The following PPFIA1 variants were observed in gnomAD, a reference collection of about 807,000 sequenced individuals.
PPFIA1 encodes the protein PPFI scaffold protein A1, also known as liprin-alpha-1.
In PPFIA1, 25 loss-of-function variants were observed where a neutral mutation model predicts 149.9. The observed-to-expected ratio is 0.17, with a 90% CI of 0.12 to 0.23. PPFIA1 has a LOEUF of 0.23. Among genes scored for constraint, PPFIA1 ranks in the 10% least tolerant of loss-of-function variants. PPFIA1 has a pLI of 1.00. For missense variants in PPFIA1, 1,362 were observed against 1,506.5 expected (o/e 0.90, Z 1.59); for synonymous variants, 549 against 552.8 (o/e 0.99, Z 0.10).
At position 70,340,408 on chromosome 11, in the gene PPFIA1, G is replaced by A. The variant is rs371013766; in HGVS notation, c.1707+1102G>A. 2.6e-4 allele frequency among the ~76,000 whole-genome samples: 40 copies of A among 152,312 alleles called. 1 individual carries two copies. In the South Asian group the frequency reaches 7.2e-3, roughly 28 times the overall value. ...GTGAGCTCTATGATTGCACCACTGC[G>A]CTCCAGCTTGGTCAACAGAGTAAGA... On this transcript the variant is annotated intron_variant, in intron 14 of 27. Coordinates refer to ENST00000253925, the MANE Select transcript of PPFIA1 (RefSeq NM_003626.5).
chr11:70,300,486 C>T (rs1466204103), intron 2 of PPFIA1, among the ~76,000 whole-genome samples: 3 of 151,984 alleles, frequency 2.0e-5, no homozygotes, highest in Non-Finnish European at 2.9e-5. Context: ...TCTCCTGCCT[C>T]AGCCTCTCAG....
rs757711997 is a variant in PPFIA1, at chr11:70,324,907, G to T, written c.427G>T (p.Val143Leu). ...SRHERSLRMT[V>L]VKRQAQSPAG... Reference sequence around the variant, plus strand: ...GCATGAGCGGTCTCTTAGGATGACCGTGGTGAAGAGACAAGCGCAGTCTCC... The same window carrying T: ...GCATGAGCGGTCTCTTAGGATGACCTTGGTGAAGAGACAAGCGCAGTCTCC... The change falls in exon 4 of 28, where the codon GTG becomes TTG. Residue 143 changes from valine (V) to leucine (L), a missense_variant. Physicochemically the swap from Val to Leu is conservative, Grantham distance 32. Around this residue, in one of 7 missense-constraint regions of PPFIA1, gnomAD observed 79 missense variants for 146.2 expected, o/e 0.54. Transcript: ENST00000253925. The T allele has an allele frequency of 1.9e-6, 3 of 1,613,586 alleles. No homozygotes were observed. The highest frequency in any genetic ancestry group is 1.7e-5 in the Admixed American group (1 of 59,922).
rs372416850 is a variant in PPFIA1, at chr11:70,272,199, C to T, written c.27C>T (p.Ile9=). The T allele has an allele frequency of 3.1e-6, 5 of 1,613,858 alleles. 1 individual carries two copies. In the Middle Eastern group the frequency reaches 6.9e-4, roughly 222 times the overall value. MMCEVMPT[I]SEAEGPPGGG... is the part of the protein sequence containing the mutation. ...TGATGTGCGAGGTGATGCCGACCAT[C>T]AGCGAAGCAGAAGGCCCCCCTGGAG... Residue 9 remains isoleucine, a synonymous_variant, in exon 2 of 28, where the codon ATC becomes ATT. Transcript: ENST00000253925.
intron 2 of PPFIA1, 112 bp from the exon 3 acceptor site, chr11:70,324,290 T>G: frequency 1.5e-6 from 1 of 680,076 alleles, no homozygotes; most frequent in South Asian, 2.0e-5. Context: ...TGAGATCCCT[T>G]CCCCATAACT....
intron 2 of PPFIA1, among the ~76,000 whole-genome samples, chr11:70,314,608 A>G (rs1422773707): frequency 6.6e-6 from 1 of 152,202 alleles, no homozygotes; most frequent in Non-Finnish European, 1.5e-5. Flanking sequence ...TTTATCTTAT[A>G]TATACTTGAA....
intron 2 of PPFIA1, among the ~76,000 whole-genome samples, chr11:70,297,021 T>C (rs2052097819): frequency 1.3e-5 from 2 of 152,208 alleles, no homozygotes. Context: ...GTCATTCTTC[T>C]GATAGTCATT....
intron 3 of PPFIA1, 104 bp from the exon 4 acceptor site, chr11:70,324,743 G>T: frequency 8.9e-7 from 1 of 1,129,642 alleles, no homozygotes; most frequent in South Asian, 1.6e-5. Context: ...GAATTGAAGG[G>T]ACTTCATTTT....
chr11:70,297,225 A>G (rs2052123483), intron 2 of PPFIA1, among the ~76,000 whole-genome samples: 1 of 152,130 alleles, frequency 6.6e-6, no homozygotes, highest in Non-Finnish European at 1.5e-5. Flanking sequence ...CCTGAGCAAC[A>G]TAGCAGGACC....
intron 16 of PPFIA1, among the ~76,000 whole-genome samples, chr11:70,349,513 G>T (rs1173381868): frequency 6.6e-6 from 1 of 152,018 alleles, no homozygotes; most frequent in Non-Finnish European, 1.5e-5. Flanking sequence ...ATTTGTCAGT[G>T]TGTTGTCAAT....
chr11:70,333,830 C>T (rs187664844), intron 10 of PPFIA1, among the ~76,000 whole-genome samples: 17 of 152,256 alleles, frequency 1.1e-4, no homozygotes, highest in African/African-American at 1.9e-4. Context: ...GCTTGTCTAG[C>T]GGCCTATCAG....
chr11:70,378,299 G>A, intron 26 of PPFIA1, 104 bp downstream of exon 26: 1 of 1,420,422 alleles, frequency 7.0e-7, no homozygotes, highest in East Asian at 2.5e-5. Flanking sequence ...TATGTTACAA[G>A]GCACTTGAGT....
intron 21 of PPFIA1, chr11:70,365,199 C>G (rs1020900442): frequency 1.2e-5 from 3 of 247,100 alleles, no homozygotes; most frequent in African/African-American, 6.9e-5. Context: ...TGTTGACGAC[C>G]CAGTGTTAAC....
intron 16 of PPFIA1, among the ~76,000 whole-genome samples, chr11:70,352,805 G>A (rs1480455654): frequency 4.0e-5 from 5 of 124,706 alleles, no homozygotes; most frequent in African/African-American, 1.7e-4. Flanking sequence ...GTGGGAGGGC[G>A]GCGTGTGGAG....
intron 2 of PPFIA1, among the ~76,000 whole-genome samples, chr11:70,294,706 C>T (rs1331287083): frequency 4.6e-5 from 7 of 151,716 alleles, no homozygotes; most frequent in Admixed American, 6.6e-5. Flanking sequence ...TGTGGCCTTC[C>T]GCAGTGTTTG....
intron 9 of PPFIA1, 97 bp downstream of exon 9, chr11:70,332,191 T>C: frequency 7.2e-7 from 1 of 1,397,118 alleles, no homozygotes; most frequent in Non-Finnish European, 9.4e-7. Flanking sequence ...CATCAGCACC[T>C]AAATCCGTGG....
At chr11:70,296,574 C>G (rs1027218993) in intron 2 of PPFIA1, among the ~76,000 whole-genome samples, 5 of 151,852 alleles carry the variant, frequency 3.3e-5, no homozygotes, top group Non-Finnish European at 7.4e-5. Flanking sequence ...CGCAGGCACT[C>G]GGCAGGCTGA....
chr11:70,312,063 G>T (rs182120620), intron 2 of PPFIA1, among the ~76,000 whole-genome samples: 4 of 151,040 alleles, frequency 2.6e-5, no homozygotes, highest in Admixed American at 6.6e-5. Context: ...CAGGCTGCTC[G>T]AACTCCTGGG....
intron 2 of PPFIA1, among the ~76,000 whole-genome samples, chr11:70,284,848 AAGGTTGGCTAGGT>A (rs1246270578): frequency 6.6e-6 from 1 of 152,086 alleles, no homozygotes; most frequent in East Asian, 1.9e-4. Context: ...TGAACATGGT[AAGGTTGGCTAGGT>A]AGGTTGGGAT....
intron 16 of PPFIA1, among the ~76,000 whole-genome samples, chr11:70,350,773 T>C (rs1363367112): frequency 6.6e-6 from 1 of 152,328 alleles, no homozygotes; most frequent in East Asian, 1.9e-4. Flanking sequence ...TAGAATTTTA[T>C]CTAAGTAATA....
Sources: gnomAD v4.1 joint callset for allele counts (sites outside exome capture counted in the v4.1 genomes callset) on GRCh38, gnomAD v4.1.1 for gene constraint, gnomAD v4.1.1 regional missense constraint, MANE v1.5 for transcripts, NCBI Gene and HGNC (gene_info 2026-07-23, HGNC 2026-07-21) for gene names.